The following CPPED1 variants were observed in gnomAD, a reference collection of about 807,000 sequenced individuals.
The protein encoded by CPPED1 is calcineurin like phosphoesterase domain containing 1.
In CPPED1, 28 loss-of-function variants were observed where a neutral mutation model predicts 28.0. That is an observed-to-expected ratio of 1.00 (90% CI 0.74 to 1.37). The LOEUF (loss-of-function observed/expected upper bound fraction) is 1.37. Among genes scored for constraint, CPPED1 ranks in the 40% most tolerant of loss-of-function variants. CPPED1 has a pLI of 0.00. For missense variants in CPPED1, 504 were observed against 416.5 expected (o/e 1.21, Z -1.83); for synonymous variants, 198 against 180.2 (o/e 1.10, Z -0.79).
At chr16:12,761,467 C>G (rs1197593412) in intron 2 of CPPED1, among the ~76,000 whole-genome samples, 1 of 152,090 alleles carries the variant, frequency 6.6e-6, no homozygotes, top group East Asian at 1.9e-4. Context: ...CATAATAAAA[C>G]AGCAATCTTT....
chr16:12,721,899 G>A (rs1193547568), intron 2 of CPPED1, among the ~76,000 whole-genome samples: 3 of 151,994 alleles, frequency 2.0e-5, no homozygotes, highest in Non-Finnish European at 4.4e-5. Flanking sequence ...TTTTCTCTCC[G>A]CTATGGAGGT....
intron 3 of CPPED1, among the ~76,000 whole-genome samples, chr16:12,697,427 C>G (rs192253535): frequency 6.6e-6 from 1 of 152,184 alleles, no homozygotes; most frequent in East Asian, 1.9e-4. Context: ...CACCCAGGCA[C>G]GCCCTCCACT....
chr16:12,714,161 A>G (rs1164684587), intron 2 of CPPED1, among the ~76,000 whole-genome samples: 2 of 152,112 alleles, frequency 1.3e-5, no homozygotes, highest in Non-Finnish European at 2.9e-5. Flanking sequence ...ATATCATCAT[A>G]TTTTGTTTAT....
chr16:12,736,721 G>C (rs763425268), intron 2 of CPPED1, among the ~76,000 whole-genome samples: 5 of 152,148 alleles, frequency 3.3e-5, no homozygotes, highest in African/African-American at 1.2e-4. Context: ...AAGATTCTAG[G>C]CACTAAGAAT....
At chr16:12,781,765 A>G (rs1175399080) in intron 1 of CPPED1, among the ~76,000 whole-genome samples, 1 of 152,122 alleles carries the variant, frequency 6.6e-6, no homozygotes, top group Non-Finnish European at 1.5e-5. Flanking sequence ...AAACTCCCCA[A>G]ATTGAATGCT....
At chr16:12,783,540 T>C (rs2080544911) in intron 1 of CPPED1, among the ~76,000 whole-genome samples, 2 of 151,658 alleles carry the variant, frequency 1.3e-5, no homozygotes, top group South Asian at 4.2e-4. Flanking sequence ...ATAAATAAGA[T>C]AGGAAAGGCC....
intron 2 of CPPED1, chr16:12,759,476 G>A (rs2080395301): frequency 6.6e-6 from 1 of 152,276 alleles, no homozygotes; most frequent in Non-Finnish European, 1.5e-5. Flanking sequence ...AGAAAGCAGA[G>A]AGGCCATCAG....
chr16:12,689,921 T>C (rs2141177621), intron 3 of CPPED1, among the ~76,000 whole-genome samples: 1 of 152,350 alleles, frequency 6.6e-6, no homozygotes, highest in Middle Eastern at 3.4e-3. Flanking sequence ...AAGTCGACAC[T>C]TGATTACCTC....
chr16:12,780,183 G>A (rs1183610862), intron 2 of CPPED1, among the ~76,000 whole-genome samples: 1 of 151,714 alleles, frequency 6.6e-6, no homozygotes, highest in African/African-American at 2.4e-5. Context: ...TTGTTTGTTT[G>A]TGTTTTGTTT....
At chr16:12,672,493 G>A (rs1349315622) in intron 3 of CPPED1, among the ~76,000 whole-genome samples, 3 of 152,218 alleles carry the variant, frequency 2.0e-5, no homozygotes, top group African/African-American at 7.2e-5. Flanking sequence ...CCATTAATAT[G>A]TATAGCACAC....
intron 2 of CPPED1, among the ~76,000 whole-genome samples, chr16:12,708,653 T>C (rs945592008): frequency 9.2e-5 from 14 of 152,370 alleles, no homozygotes; most frequent in Admixed American, 3.3e-4. Context: ...CCAAGTTGAA[T>C]GCCAACATTT....
chr16:12,700,996 G>A (rs897721804), intron 3 of CPPED1, among the ~76,000 whole-genome samples: 9 of 152,126 alleles, frequency 5.9e-5, no homozygotes, highest in Admixed American at 1.3e-4. Flanking sequence ...GGGATACCCC[G>A]GCGGGAGGGT....
intron 1 of CPPED1, among the ~76,000 whole-genome samples, chr16:12,786,227 C>A (rs1461816336): frequency 2.0e-5 from 3 of 152,206 alleles, no homozygotes; most frequent in Non-Finnish European, 4.4e-5. Flanking sequence ...GAATCTCTGG[C>A]CCCAGCCCAG....
At chr16:12,679,691 A>G (rs776843988) in intron 3 of CPPED1, among the ~76,000 whole-genome samples, 2 of 152,162 alleles carry the variant, frequency 1.3e-5, no homozygotes, top group Non-Finnish European at 2.9e-5. Context: ...GCTACTCACT[A>G]ACATCCTGAA....
chr16:12,766,254 T>G (rs1341292936), intron 2 of CPPED1, among the ~76,000 whole-genome samples: 7 of 127,990 alleles, frequency 5.5e-5, no homozygotes, highest in African/African-American at 2.6e-4. Context: ...TATATATATA[T>G]ATAGAGAGAG....
rs1293724365 is a variant in CPPED1 at position 12,737,983 on chromosome 16, G to C, written c.290-32934C>G. Among the ~76,000 whole-genome samples, 3 of 152,204 alleles carry C rather than the reference G, an allele frequency of 2.0e-5. No individual in the cohort carries two copies. In the East Asian group the frequency reaches 5.8e-4, roughly 29 times the overall value. ...ACAAAGTCATCATGGAAATGATAATGACTGACGCCTTCCTGGGGATAAGTG... is the reference window on the plus strand; with the variant it reads ...ACAAAGTCATCATGGAAATGATAATCACTGACGCCTTCCTGGGGATAAGTG... On this transcript the variant is annotated intron_variant, in intron 2 of 3. Transcript: ENST00000381774.
At chr16:12,673,747 G>C (rs937357415) in intron 3 of CPPED1, among the ~76,000 whole-genome samples, 1 of 152,154 alleles carries the variant, frequency 6.6e-6, no homozygotes, top group Admixed American at 6.5e-5. Context: ...GCTGCAAGAG[G>C]ACTAGCAATA....
At chr16:12,748,149 C>G (rs2080303165) in intron 2 of CPPED1, among the ~76,000 whole-genome samples, 1 of 152,100 alleles carries the variant, frequency 6.6e-6, no homozygotes, top group African/African-American at 2.4e-5. Context: ...GGCACAGTAA[C>G]AAAGGAGAAA....
At chr16:12,672,178 C>T (rs2141167233) in intron 3 of CPPED1, among the ~76,000 whole-genome samples, 1 of 152,274 alleles carries the variant, frequency 6.6e-6, no homozygotes, top group South Asian at 2.1e-4. Context: ...ATTCCATTGA[C>T]TTCTTATTAG....
Sources: gnomAD v4.1 joint callset for allele counts (sites outside exome capture counted in the v4.1 genomes callset) on GRCh38, gnomAD v4.1.1 for gene constraint, MANE v1.5 for transcripts, NCBI Gene and HGNC (gene_info 2026-07-23, HGNC 2026-07-21) for gene names.